The following GRIP2 variants were observed in gnomAD, a reference collection of about 807,000 sequenced individuals.
GRIP2 encodes glutamate receptor-interacting protein 2.
Under a neutral mutation model 108.3 loss-of-function variants are expected in GRIP2, and 58 were observed. The ratio of observed to expected loss-of-function variants is 0.54; its 90% CI spans 0.43 to 0.67. The LOEUF is 0.67. Among genes scored for constraint, GRIP2 ranks in the 30% least tolerant of loss-of-function variants. The probability of loss-of-function intolerance (pLI) is 0.00; values close to 1 mark genes in which losing one functional copy is unlikely to be tolerated. For missense variants in GRIP2, 1,278 were observed against 1,430.6 expected, an observed-to-expected ratio of 0.89 and a Z score of 1.72; for synonymous variants, 586 against 598.2, an observed-to-expected ratio of 0.98 and a Z score of 0.30.
At chr3:14,591,160 C>G in the GRIP2 span, among the ~76,000 whole-genome samples, 2 of 152,324 alleles carry the variant, frequency 1.3e-5, no homozygotes, top group Admixed American at 1.3e-4. Context: ...ATGCCTTTCC[C>G]TGCTCTTTCC....
intron 1 of GRIP2, among the ~76,000 whole-genome samples, chr3:14,553,710 G>A (rs1461391112): frequency 6.6e-6 from 1 of 152,152 alleles, no homozygotes; most frequent in Admixed American, 6.5e-5. Context: ...TGGAAATGGA[G>A]AAATGTTACC....
At chr3:14,514,858 A>G (rs1477466990) in intron 11 of GRIP2, among the ~76,000 whole-genome samples, 1 of 152,214 alleles carries the variant, frequency 6.6e-6, no homozygotes, top group Non-Finnish European at 1.5e-5. Flanking sequence ...TAATTTACAT[A>G]CCACAGTAGT....
the GRIP2 span, among the ~76,000 whole-genome samples, chr3:14,598,196 C>T: frequency 2.6e-5 from 4 of 151,840 alleles, no homozygotes; most frequent in Non-Finnish European, 5.9e-5. Context: ...TTTGGCATGA[C>T]CTCGTGGACC....
At chr3:14,598,845 A>G in the GRIP2 span, among the ~76,000 whole-genome samples, 2 of 151,076 alleles carry the variant, frequency 1.3e-5, no homozygotes, top group African/African-American at 4.9e-5. Flanking sequence ...TTTTCTTTAT[A>G]TTTGCTGTTC....
At chr3:14,510,874 C>A (rs980358535) in intron 16 of GRIP2, among the ~76,000 whole-genome samples, 1 of 152,238 alleles carries the variant, frequency 6.6e-6, no homozygotes, top group Non-Finnish European at 1.5e-5. Flanking sequence ...CCACCAGCTG[C>A]ACCAGCTGCA....
rs1298627039 is a variant in GRIP2, at chr3:14,519,404, TC to T, written c.1030+705del. On this transcript the variant is annotated intron_variant, in intron 9 of 23. Coordinates refer to ENST00000621039, the MANE Select transcript of GRIP2 (RefSeq NM_001080423.4). Reference sequence around the variant, plus strand: ...GCCTTGTCCTTTATCTCCGTCAGCCTCCCCCATGTCTGTGCATTAGAAGTCC... The same window carrying T: ...GCCTTGTCCTTTATCTCCGTCAGCCTCCCCATGTCTGTGCATTAGAAGTCC... Among the ~76,000 whole-genome samples the T allele has an allele frequency of 2.0e-5, 3 of 152,284 alleles. No homozygotes were observed. In the East Asian group the frequency reaches 5.8e-4, roughly 29 times the overall value.
rs751444161 is a variant in GRIP2 at position 14,509,912 on chromosome 3, G to A, written c.1986C>T (p.Tyr662=). ...AVSYTVELKR[Y]GGPLGITISG... ...AAATGGTGATGCCCAGGGGACCCCCGTAGCGCTTCAGCTCCACTGTGTAAC... is the reference window on the plus strand; with the variant it reads ...AAATGGTGATGCCCAGGGGACCCCCATAGCGCTTCAGCTCCACTGTGTAAC... Residue 662 remains tyrosine (Y), a synonymous_variant, in exon 17 of 24, where the codon TAC becomes TAT. Transcript: ENST00000621039. 15 of 1,550,554 alleles carry A rather than the reference G, an allele frequency of 9.7e-6. No individual in the cohort carries two copies. The highest frequency in any genetic ancestry group is 3.7e-5 in the South Asian group (3 of 81,776).
rs1694277624 is a variant in GRIP2 at position 14,517,334 on chromosome 3, C to T, written c.1157-121G>A. 3 of 1,013,684 alleles carry T rather than the reference C, an allele frequency of 3.0e-6. No individual in the cohort carries two copies. The African/African-American group carries it at 5.0e-5, about 17-fold the overall frequency. 62.8% of individuals were successfully genotyped at this position (1,013,684 alleles called of 1,614,324 possible). On this transcript the variant is annotated intron_variant, in intron 10 of 23. Transcript: ENST00000621039. ...ATGGGGATGCCTTCCCCCTTCACATCAGTTACTCATTGTGTGACCTCAGGC... is the reference window on the plus strand; with the variant it reads ...ATGGGGATGCCTTCCCCCTTCACATTAGTTACTCATTGTGTGACCTCAGGC...
chr3:14,496,187 A>G (rs933816752), intron 22 of GRIP2, among the ~76,000 whole-genome samples: 1 of 152,066 alleles, frequency 6.6e-6, no homozygotes, highest in African/African-American at 2.4e-5. Context: ...GTGGGGGGAA[A>G]AAAAGCACAT....
At chr3:14,557,618 C>A (rs1235873050), upstream of GRIP2, among the ~76,000 whole-genome samples, 1 of 152,222 alleles carries the variant, frequency 6.6e-6, no homozygotes, top group African/African-American at 2.4e-5. Context: ...AGGAAGTGGG[C>A]ACTTGAACGG....
chr3:14,493,591 T>C lies in GRIP2; in HGVS notation c.*74A>G, dbSNP rs1701383912. ...AGATGAATGAGTGGGTGGCCGCTTCTCCAGCCCAGCTACGTGTCTGGGAGC... is the reference window on the plus strand; with the variant it reads ...AGATGAATGAGTGGGTGGCCGCTTCCCCAGCCCAGCTACGTGTCTGGGAGC... On this transcript the variant is annotated 3_prime_UTR_variant, in exon 24 of 24. Transcript: ENST00000621039. The C allele has an allele frequency of 6.9e-7, 1 of 1,457,384 alleles. No homozygotes were observed. The highest frequency in any genetic ancestry group is 9.1e-7 in the Non-Finnish European group (1 of 1,093,866). The allele number at this position is 1,457,384 out of a possible 1,614,324, so 90.3% of individuals were successfully genotyped here.
chr3:14,598,976 A>C, the GRIP2 span, among the ~76,000 whole-genome samples: 1 of 152,054 alleles, frequency 6.6e-6, no homozygotes, highest in Non-Finnish European at 1.5e-5. Context: ...ATCCTGCTAT[A>C]GAAGCACCCT....
the GRIP2 span, among the ~76,000 whole-genome samples, chr3:14,597,922 C>T: frequency 6.6e-6 from 1 of 152,144 alleles, no homozygotes; most frequent in Non-Finnish European, 1.5e-5. Flanking sequence ...GGTGTTGACA[C>T]TGCAATTATT....
chr3:14,549,069 T>C (rs1695102103), intron 1 of GRIP2, among the ~76,000 whole-genome samples: 1 of 152,156 alleles, frequency 6.6e-6, no homozygotes. Context: ...TCCACAACTG[T>C]CTTGCTCACT....
chr3:14,537,452 G>A (rs1694860100), intron 1 of GRIP2, among the ~76,000 whole-genome samples: 2 of 152,246 alleles, frequency 1.3e-5, no homozygotes, highest in African/African-American at 4.8e-5. Context: ...CCAGGGGGCC[G>A]GGCTTCTGTC....
At position 14,493,706 on chromosome 3, in the gene GRIP2, C is replaced by T; in HGVS notation, c.3091G>A (p.Ala1031Thr). The T allele has an allele frequency of 1.2e-6, 2 of 1,608,862 alleles. No homozygotes were observed. Among genetic ancestry groups the T allele is most frequent in the Non-Finnish European group, 1.7e-6 (2 of 1,177,968 alleles). The change falls in exon 24 of 24, where the codon GCC (alanine) becomes ACC (threonine). Residue 1031 changes from alanine (A) to threonine (T), a missense_variant. Physicochemically the swap from Ala to Thr is moderately conservative, Grantham distance 58. Transcript: ENST00000621039. ...CTGCTGGGGCCTGGCGATCGGGGGGCCCGGCTGCTGTGTGCCGTGTGCGGC... is the reference window on the plus strand; with the variant it reads ...CTGCTGGGGCCTGGCGATCGGGGGGTCCGGCTGCTGTGTGCCGTGTGCGGC... The part of the protein sequence containing the change: ...RKPHTAHSSR[A>T]PRSPGPSSPR...
chr3:14,586,695 G>C, the GRIP2 span, among the ~76,000 whole-genome samples: 1 of 152,208 alleles, frequency 6.6e-6, no homozygotes, highest in Non-Finnish European at 1.5e-5. Flanking sequence ...CGGGGGGAAA[G>C]CCTATATGAA....
intron 21 of GRIP2, among the ~76,000 whole-genome samples, chr3:14,499,168 T>C (rs1693698641): frequency 6.6e-6 from 1 of 152,256 alleles, no homozygotes; most frequent in South Asian, 2.1e-4. Flanking sequence ...CCTTCCACAA[T>C]AGTGCAGAAA....
At chr3:14,538,631 A>G (rs1045755346) in intron 1 of GRIP2, among the ~76,000 whole-genome samples, 3 of 152,236 alleles carry the variant, frequency 2.0e-5, no homozygotes, top group Non-Finnish European at 4.4e-5. Context: ...AAGTGTGATC[A>G]TGAGGTTCTG....
Sources: gnomAD v4.1 joint callset for allele counts (sites outside exome capture counted in the v4.1 genomes callset) on GRCh38, gnomAD v4.1.1 for gene constraint, MANE v1.5 for transcripts, NCBI Gene and HGNC (gene_info 2026-07-23, HGNC 2026-07-21) for gene names.